Variants in MGAM observed in about 807,000 individuals in gnomAD.
MGAM encodes the protein alpha-1,4-glucosidase.
A neutral mutation model predicts 358.8 loss-of-function variants in MGAM; 253 were observed. The ratio of observed to expected loss-of-function variants is 0.71; its 90% CI spans 0.64 to 0.78. The LOEUF (loss-of-function observed/expected upper bound fraction) is 0.78, where lower values mean the gene tolerates loss of function less well. Among genes scored for constraint, MGAM ranks in the 30% least tolerant of loss-of-function variants. The probability of loss-of-function intolerance (pLI) is 0.00; values close to 1 mark genes in which losing one functional copy is unlikely to be tolerated. For synonymous variants in MGAM, 1,105 were observed against 1,227.1 expected, an observed-to-expected ratio of 0.90 and a Z score of 2.08; for missense variants, 3,080 against 3,432.6, an observed-to-expected ratio of 0.90 and a Z score of 2.57.
Position 142,083,261 on chromosome 7 carries a change from G to T in MGAM, c.6269-40G>T, listed in dbSNP as rs757257211. ...GATTTCAGGGGTGATTCATGACGTGGAAAGTTTCCAGCTTGATTAGCATTT... is the reference window on the plus strand; with the variant it reads ...GATTTCAGGGGTGATTCATGACGTGTAAAGTTTCCAGCTTGATTAGCATTT... On this transcript the variant is annotated intron_variant, in intron 52 of 70. Transcript: ENST00000475668. The T allele has an allele frequency of 4.9e-6, 7 of 1,438,300 alleles. No homozygotes were observed. In the African/African-American group the frequency reaches 9.5e-5, roughly 20 times the overall value. The allele number at this position is 1,438,300 out of a possible 1,614,324, so 89.1% of individuals were successfully genotyped here.
Position 142,085,874 on chromosome 7 carries a change from G to A in MGAM, c.6549G>A (p.Leu2183=). ...ACATCGACTACATGGAGCGGCAGCT[G>A]GACTTCACCCTCAGCCCCAAGTTTG... is the stretch of plus-strand genomic sequence containing the variant. ...YSDIDYMERQ[L]DFTLSPKFAG... is the part of the protein sequence containing the mutation. Residue 2183 remains leucine (L), a synonymous_variant, in exon 55 of 71, where the codon CTG becomes CTA. Transcript: ENST00000475668. The A allele has an allele frequency of 6.4e-7, 1 of 1,565,780 alleles. No homozygotes were observed. The highest frequency in any genetic ancestry group is 8.8e-7 in the Non-Finnish European group (1 of 1,141,246).
Position 142,052,374 on chromosome 7 carries a change from A to G in MGAM, c.2886A>G (p.Glu962=). The G allele has an allele frequency of 6.2e-7, 1 of 1,612,774 alleles. No homozygotes were observed. Among genetic ancestry groups the G allele is most frequent in the Non-Finnish European group, 8.5e-7 (1 of 1,179,380 alleles). ...VEWSIKIRDE[E]KIDCYPDENG... is the part of the protein sequence containing the mutation. The stretch of plus-strand genomic sequence containing the variant: ...GGAGCATAAAGATAAGGGATGAAGA[A>G]AAAATAGACTGTTACCCTGATGAGA... Residue 962 remains glutamate (E), a synonymous_variant, in exon 25 of 71, where the codon GAA becomes GAG. Transcript: ENST00000475668.
At chr7:142,054,037 T>G (rs1349164532) in intron 26 of MGAM, among the ~76,000 whole-genome samples, 2 of 152,214 alleles carry the variant, frequency 1.3e-5, no homozygotes, top group African/African-American at 4.8e-5. Flanking sequence ...CAGAATGACT[T>G]GATCTCCTTT....
chr7:142,008,538 C>T lies in MGAM; in HGVS notation c.160C>T (p.Pro54Ser). 2 of 1,612,544 alleles carry T rather than the reference C, an allele frequency of 1.2e-6. No individual in the cohort carries two copies. Among genetic ancestry groups the T allele is most frequent in the Non-Finnish European group, 1.7e-6 (2 of 1,179,174 alleles). Reference sequence around the variant, plus strand: ...TCCTGGGACAACTGGTACCCCAGATCCTGGGACAACTGGTACCCCAGATCC... The same window carrying T: ...TCCTGGGACAACTGGTACCCCAGATTCTGGGACAACTGGTACCCCAGATCC... ...PDPGTTGTPD[P>S]GTTGTPDPGT... The change falls in exon 3 of 71, where the codon CCT becomes TCT. Residue 54 changes from proline (P) to serine (S), a missense_variant. Pro to Ser is a moderately conservative substitution (Grantham distance 74). Around this residue, in one of 5 missense-constraint regions of MGAM, gnomAD observed 1,816 missense variants for 1,840.5 expected, o/e 0.99. Transcript: ENST00000475668.
chr7:141,987,495 A>G (rs1302354681), intron 2 of MGAM, among the ~76,000 whole-genome samples: 1 of 152,202 alleles, frequency 6.6e-6, no homozygotes, highest in Non-Finnish European at 1.5e-5. Flanking sequence ...ACGAAGTCGG[A>G]TCATCTGTCC....
chr7:142,100,961 T>G (rs10237351), intron 68 of MGAM, 71 bp downstream of exon 68: 24,090 of 1,331,832 alleles, frequency 0.018, 1,426 homozygotes, highest in Admixed American at 0.16. Flanking sequence ...ACAGGCCTGC[T>G]TTCACCTTTT....
At position 142,099,740 on chromosome 7, in the gene MGAM, A is replaced by G. The variant is rs776511893; in HGVS notation, c.7874+3A>G. On this transcript the variant is annotated splice_donor_region_variant and intron_variant, in intron 67 of 70. Transcript: ENST00000475668. ...CCTGCACTGAACACCCACTTAAGGT[A>G]AGTGACAGGACTCAGGTTTTCCTTT... is the stretch of plus-strand genomic sequence containing the variant. The G allele has an allele frequency of 5.6e-6, 9 of 1,613,874 alleles. No individual in the cohort carries two copies. In the Admixed American group the frequency reaches 8.3e-5, roughly 15 times the overall value.
At chr7:142,042,688 A>C (rs1484217061) in intron 21 of MGAM, among the ~76,000 whole-genome samples, 2 of 31,190 alleles carry the variant, frequency 6.4e-5, no homozygotes, top group African/African-American at 2.4e-4. Context: ...TATAATATAT[A>C]TTATGTATAA....
At position 142,034,676 on chromosome 7, in the gene MGAM, C is replaced by T; in HGVS notation, c.1794C>T (p.Ala598=). ...YSMAVATAEA[A]KTVFPNKRSF... Reference sequence around the variant, plus strand: ...AAATCTCTCTCCCTTGCAGAGCTGCCAAGACTGTGTTCCCTAATAAGAGAA... The same window carrying T: ...AAATCTCTCTCCCTTGCAGAGCTGCTAAGACTGTGTTCCCTAATAAGAGAA... The change falls in exon 16 of 71, where the codon GCC becomes GCT. Residue 598 remains alanine (A), a synonymous_variant. Transcript: ENST00000475668. 6.2e-7 allele frequency: 1 copy of T among 1,613,110 alleles called. No homozygotes were observed. Among genetic ancestry groups the T allele is most frequent in the Non-Finnish European group, 8.5e-7 (1 of 1,179,404 alleles).
intron 57 of MGAM, among the ~76,000 whole-genome samples, chr7:142,091,199 G>A (rs533311138): frequency 7.1e-6 from 1 of 141,310 alleles, no homozygotes; most frequent in East Asian, 2.1e-4. Flanking sequence ...GTGAGCCGAG[G>A]TAGCACCACT....
rs778069265 is a variant in MGAM at position 142,050,880 on chromosome 7, G to T, written c.2805+16G>T. Reference sequence around the variant, plus strand: ...TAACCTGAAGGTAAAAACCCATTTTGTTGAGATGGTACATTGAGAATTCTC... The same window carrying T: ...TAACCTGAAGGTAAAAACCCATTTTTTTGAGATGGTACATTGAGAATTCTC... On this transcript the variant is annotated intron_variant, in intron 24 of 70. Transcript: ENST00000475668. 2 of 1,613,384 alleles carry T rather than the reference G, an allele frequency of 1.2e-6. No homozygotes were observed. The highest frequency in any genetic ancestry group is 1.7e-6 in the Non-Finnish European group (2 of 1,179,456).
chr7:142,090,364 A>G (rs111258409), intron 57 of MGAM, among the ~76,000 whole-genome samples: 2 of 145,398 alleles, frequency 1.4e-5, no homozygotes, highest in African/African-American at 4.9e-5. Flanking sequence ...TCCCCCACCC[A>G]TCCCGTCGTT....
chr7:142,064,855 G>T (rs1812567349), intron 37 of MGAM, among the ~76,000 whole-genome samples: 1 of 152,070 alleles, frequency 6.6e-6, no homozygotes, highest in Non-Finnish European at 1.5e-5. Flanking sequence ...GGAACACAGA[G>T]GACTGGGCAT....
At chr7:142,032,440 A>G (rs899761420) in intron 13 of MGAM, among the ~76,000 whole-genome samples, 1 of 152,080 alleles carries the variant, frequency 6.6e-6, no homozygotes, top group African/African-American at 2.4e-5. Flanking sequence ...CTAGACCTTT[A>G]TGTGCTCTCT....
chr7:142,012,887 G>T (rs1342778435), intron 3 of MGAM, among the ~76,000 whole-genome samples: 9 of 152,118 alleles, frequency 5.9e-5, no homozygotes, highest in Non-Finnish European at 8.8e-5. Flanking sequence ...ACTCTCTCCA[G>T]CAGGGTAGCT....
rs777133943 is a variant in MGAM, at chr7:142,094,802, G to A, written c.7397G>A (p.Arg2466His). The change falls in exon 63 of 71, where the codon CGC becomes CAC. Residue 2466 changes from arginine to histidine, a missense_variant. Around this residue, in one of 5 missense-constraint regions of MGAM, gnomAD observed 932 missense variants for 1,198.2 expected, o/e 0.78. Coordinates refer to ENST00000475668, the MANE Select transcript of MGAM (RefSeq NM_001365693.1). ...FQDAEYEMCV[R>H]WMQLGAFYPF... ...GATGCTGAATATGAGATGTGTGTTC[G>A]CTGGATGCAGCTGGGGGCCTTTTAC... is the stretch of plus-strand genomic sequence containing the variant. 93 of 1,613,698 alleles carry A rather than the reference G, an allele frequency of 5.8e-5. No homozygotes were observed. The highest frequency in any genetic ancestry group is 7.5e-5 in the Non-Finnish European group (89 of 1,179,882).
chr7:142,031,573 G>T, intron 12 of MGAM, 107 bp from the exon 13 acceptor site: 1 of 690,584 alleles, frequency 1.4e-6, no homozygotes. Context: ...ATGTTCCTGG[G>T]TACCTCGGTT....
chr7:142,005,766 C>A, intron 2 of MGAM, 109 bp downstream of exon 2: 1 of 1,138,040 alleles, frequency 8.8e-7, no homozygotes, highest in Non-Finnish European at 1.2e-6. Flanking sequence ...GTGTTTGTTG[C>A]GGGGGCTGTT....
In MGAM at chr7:142,042,975, ATATATATATTATATAT is replaced by A. The variant is rs1472065660; in HGVS notation, c.2498+2130_2498+2145del. On this transcript the variant is annotated intron_variant, in intron 21 of 70. Transcript: ENST00000475668. Reference sequence around the variant, plus strand: ...TATATACATATAATATCTAAATATAATATATATATTATATATACATATAATATCTAAATATAATATA... The same window carrying A: ...TATATACATATAATATCTAAATATAAACATATAATATCTAAATATAATATA... Among the ~76,000 whole-genome samples the A allele has an allele frequency of 4.3e-4, 31 of 72,560 alleles. 2 individuals carry two copies. The highest frequency in any genetic ancestry group is 1.7e-3 in the African/African-American group (28 of 16,876). The allele number at this position is 72,560 out of a possible 152,430, so 47.6% of individuals were successfully genotyped here. A position where few individuals can be genotyped will look rare whatever the true frequency, so the allele number is the denominator to read the frequency against.
Sources: gnomAD v4.1 joint callset for allele counts (sites outside exome capture counted in the v4.1 genomes callset) on GRCh38, gnomAD v4.1.1 for gene constraint, gnomAD v4.1.1 regional missense constraint, MANE v1.5 for transcripts, NCBI Gene and HGNC (gene_info 2026-07-23, HGNC 2026-07-21) for gene names.